The following CDH22 variants were observed in gnomAD, a reference collection of about 807,000 sequenced individuals.
CDH22 encodes cadherin-22.
A neutral mutation model predicts 58.4 loss-of-function variants in CDH22; 30 were observed. The ratio of observed to expected loss-of-function variants is 0.51; its 90% CI spans 0.38 to 0.70. CDH22 has a LOEUF of 0.70. CDH22 is among the 30% of genes least tolerant of loss of function. CDH22 has a pLI of 0.00. For synonymous variants in CDH22, 513 were observed against 558.2 expected (o/e 0.92, Z 1.14); for missense variants, 1,014 against 1,233.9 (o/e 0.82, Z 2.67).
At chr20:46,230,535 A>G (rs1452561618) in intron 3 of CDH22, among the ~76,000 whole-genome samples, 1 of 152,226 alleles carries the variant, frequency 6.6e-6, no homozygotes. Flanking sequence ...GTGAAGGGTG[A>G]AAACATGAAT....
At chr20:46,284,593 T>C (rs1180937794) in intron 1 of CDH22, among the ~76,000 whole-genome samples, 2 of 152,254 alleles carry the variant, frequency 1.3e-5, no homozygotes, top group Non-Finnish European at 1.5e-5. Context: ...CAGCTAGCCC[T>C]GTCAGTTGTT....
intron 4 of CDH22, among the ~76,000 whole-genome samples, chr20:46,221,746 C>T (rs1434820253): frequency 1.3e-5 from 2 of 152,202 alleles, no homozygotes; most frequent in African/African-American, 4.8e-5. Context: ...ACATATTTTC[C>T]TATCTACTAT....
Position 46,210,986 on chromosome 20 carries a change from A to T in CDH22, c.1033-426T>A, listed in dbSNP as rs1203949943. On this transcript the variant is annotated intron_variant, in intron 6 of 11. Coordinates refer to ENST00000537909, the MANE Select transcript of CDH22 (RefSeq NM_021248.3). This position sits in a 1 kb window ranked among gnomAD's most constrained non-coding sequence, Gnocchi z 4.5. Reference sequence around the variant, plus strand: ...ACACATGAGGAAAACGAGGCCCAGAAAGGCTCAGTAACTTGCCCAAGTCAC... The same window carrying T: ...ACACATGAGGAAAACGAGGCCCAGATAGGCTCAGTAACTTGCCCAAGTCAC... Among the ~76,000 whole-genome samples, 1 of 152,204 alleles carries T rather than the reference A, an allele frequency of 6.6e-6. No homozygotes were observed. The highest frequency in any genetic ancestry group is 2.4e-5 in the African/African-American group (1 of 41,444).
At chr20:46,223,806 C>T (rs1226233917) in intron 4 of CDH22, among the ~76,000 whole-genome samples, 3 of 28,552 alleles carry the variant, frequency 1.1e-4, no homozygotes, top group Non-Finnish European at 2.4e-4. Flanking sequence ...TTTCTTCTTC[C>T]TTTCTTCCTT....
At chr20:46,284,955 A>C (rs1346673926) in intron 1 of CDH22, among the ~76,000 whole-genome samples, 1 of 151,942 alleles carries the variant, frequency 6.6e-6, no homozygotes, top group African/African-American at 2.4e-5. Flanking sequence ...CCTCATCAGC[A>C]CTCATTCCTG....
At chr20:46,283,345 GC>G (rs2086559504) in intron 1 of CDH22, among the ~76,000 whole-genome samples, 2 of 152,164 alleles carry the variant, frequency 1.3e-5, no homozygotes. Flanking sequence ...GATTCCAGCT[GC>G]GTGACCTGGG....
Position 46,174,773 on chromosome 20 carries a change from G to C in CDH22, c.2220C>G (p.Pro740=), listed in dbSNP as rs1330887161. 2 of 1,519,940 alleles carry C rather than the reference G, an allele frequency of 1.3e-6. No homozygotes were observed. The highest frequency in any genetic ancestry group is 2.0e-5 in the Admixed American group (1 of 49,636). The allele number at this position is 1,519,940 out of a possible 1,614,324, so 94.2% of individuals were successfully genotyped here. The change falls in exon 12 of 12, where the codon CCC becomes CCG. Residue 740 remains proline, a synonymous_variant. Transcript: ENST00000537909. This position sits in a 1 kb window ranked among gnomAD's most constrained non-coding sequence, Gnocchi z 4.4. The part of the protein sequence containing the change: ...RHSLPQGPPS[P]EPDFSVFRDF... ...CCCTGAACACTGAGAAGTCTGGCTC[G>C]GGGCTCGGCGGCCCCTGCGGCAGCG... is the stretch of plus-strand genomic sequence containing the variant.
At chr20:46,263,276 T>A (rs1418715969) in intron 1 of CDH22, among the ~76,000 whole-genome samples, 1 of 152,184 alleles carries the variant, frequency 6.6e-6, no homozygotes, top group African/African-American at 2.4e-5. Flanking sequence ...ACCCCATCCC[T>A]CAGACTGCTC....
intron 8 of CDH22, 24 bp downstream of exon 8, chr20:46,199,399 G>A (rs756517297): frequency 6.2e-7 from 1 of 1,601,702 alleles, no homozygotes; most frequent in Non-Finnish European, 8.5e-7. Flanking sequence ...TTTGCCCTTG[G>A]AGGGGGCGTG....
At chr20:46,279,080 C>G (rs2086535827) in intron 1 of CDH22, among the ~76,000 whole-genome samples, 1 of 152,184 alleles carries the variant, frequency 6.6e-6, no homozygotes. Flanking sequence ...TCCTGTGTCT[C>G]TCTGGGTGGA....
At chr20:46,286,091 T>G (rs1268696709) in intron 1 of CDH22, among the ~76,000 whole-genome samples, 7 of 152,144 alleles carry the variant, frequency 4.6e-5, no homozygotes, top group Non-Finnish European at 1.0e-4. Context: ...TGGGGAGAGT[T>G]TTTCTACAAG....
intron 1 of CDH22, among the ~76,000 whole-genome samples, chr20:46,286,073 G>A (rs1197629884): frequency 1.3e-5 from 2 of 152,224 alleles, no homozygotes; most frequent in African/African-American, 4.8e-5. Context: ...GAGAGGGCTG[G>A]CAGGTGGTGG....
chr20:46,294,616 C>A (rs1221541579), intron 1 of CDH22, among the ~76,000 whole-genome samples: 7 of 152,178 alleles, frequency 4.6e-5, no homozygotes, highest in Admixed American at 4.6e-4. Context: ...AAAGAATGGC[C>A]CTGACCAGCC....
chr20:46,231,531 G>A (rs2145716341), intron 3 of CDH22, among the ~76,000 whole-genome samples: 1 of 152,266 alleles, frequency 6.6e-6, no homozygotes, highest in African/African-American at 2.4e-5. Flanking sequence ...GAGTCACAGA[G>A]GGGCTCGATG....
intron 1 of CDH22, among the ~76,000 whole-genome samples, chr20:46,286,247 T>C (rs1356844046): frequency 2.6e-5 from 4 of 152,164 alleles, no homozygotes; most frequent in Non-Finnish European, 4.4e-5. Flanking sequence ...GAAAGGGACA[T>C]GCTCAAGCTG....
chr20:46,241,223 A>G lies in CDH22; in HGVS notation c.290T>C (p.Ile97Thr), dbSNP rs375207294. The change falls in exon 3 of 12, where the codon ATC (isoleucine) becomes ACC (threonine). Residue 97 changes from isoleucine to threonine, a missense_variant. This residue lies in a region of CDH22 where 806 missense variants were observed against 1,038.7 expected (regional missense o/e 0.78). Coordinates refer to ENST00000537909, the MANE Select transcript of CDH22 (RefSeq NM_021248.3). This position sits in a 1 kb window ranked among gnomAD's most constrained non-coding sequence, Gnocchi z 5.2. The part of the protein sequence containing the change: ...HSDSDEGDGA[I>T]KYTISGEGAG... Reference sequence around the variant, plus strand: ...ACCCTCGCCTGAGATGGTGTACTTGATGGCCCCGTCACCCTCGTCTGAGTC... The same window carrying G: ...ACCCTCGCCTGAGATGGTGTACTTGGTGGCCCCGTCACCCTCGTCTGAGTC... The G allele has an allele frequency of 3.1e-6, 5 of 1,612,260 alleles. No homozygotes were observed. The African/African-American group carries it at 4.0e-5, about 13-fold the overall frequency.
chr20:46,236,393 A>G (rs899704092), intron 3 of CDH22, among the ~76,000 whole-genome samples: 4 of 150,710 alleles, frequency 2.7e-5, no homozygotes, highest in African/African-American at 9.8e-5. Flanking sequence ...TGACCCCTCT[A>G]TCTAAAATAA....
chr20:46,219,383 A>T (rs1414026031), intron 4 of CDH22, among the ~76,000 whole-genome samples: 5 of 152,176 alleles, frequency 3.3e-5, no homozygotes, highest in African/African-American at 4.8e-5. Flanking sequence ...TTTGAACCTC[A>T]GTTTCCTTAT....
intron 7 of CDH22, among the ~76,000 whole-genome samples, chr20:46,200,664 GGAAACAGAA>G (rs2145672971): frequency 6.6e-6 from 1 of 152,260 alleles, no homozygotes; most frequent in Admixed American, 6.5e-5. Flanking sequence ...TCTGGGCAGG[GGAAACAGAA>G]GGTGCAAAGG....
Sources: gnomAD v4.1 joint callset for allele counts (sites outside exome capture counted in the v4.1 genomes callset) on GRCh38, gnomAD v4.1.1 for gene constraint, gnomAD v4.1.1 regional missense constraint, Gnocchi (gnomAD v3.1) non-coding constraint, MANE v1.5 for transcripts, NCBI Gene and HGNC (gene_info 2026-07-23, HGNC 2026-07-21) for gene names.